The following DCC variants were observed in gnomAD, a reference collection of about 807,000 sequenced individuals.
The protein encoded by DCC is DCC netrin 1 receptor.
In DCC, 58 loss-of-function variants were observed where a neutral mutation model predicts 172.5. That is an observed-to-expected ratio of 0.34 (90% CI 0.27 to 0.42). The LOEUF is 0.42. DCC is among the 10% of genes least tolerant of loss of function. The pLI is 1.00. For synonymous variants in DCC, 709 were observed against 644.5 expected, an observed-to-expected ratio of 1.10 and a Z score of -1.52; for missense variants, 1,740 against 1,791.0, an observed-to-expected ratio of 0.97 and a Z score of 0.51.
intron 7 of DCC, among the ~76,000 whole-genome samples, chr18:53,104,795 T>C (rs558798532): frequency 2.6e-5 from 4 of 151,986 alleles, no homozygotes; most frequent in Non-Finnish European, 4.4e-5. Context: ...TTCAGTGATC[T>C]TGTTAAGTCA....
intron 12 of DCC, among the ~76,000 whole-genome samples, chr18:53,239,561 G>T (rs2056257834): frequency 6.6e-6 from 1 of 152,222 alleles, no homozygotes; most frequent in African/African-American, 2.4e-5. Flanking sequence ...CCCAGAGAAA[G>T]GTGCACAGGG....
At chr18:52,552,339 G>A (rs559469552) in intron 1 of DCC, among the ~76,000 whole-genome samples, 1 of 152,054 alleles carries the variant, frequency 6.6e-6, no homozygotes, top group African/African-American at 2.4e-5. Context: ...TGTGATTTCC[G>A]GTACCATTCA....
intron 25 of DCC, among the ~76,000 whole-genome samples, chr18:53,483,958 CATAGATAGATAG>C (rs56285631): frequency 0.11 from 16,552 of 144,556 alleles, 979 homozygotes; most frequent in African/African-American, 0.13. Context: ...CCTATGTTTG[CATAGATAGATAG>C]ATAGATAGAT....
chr18:52,916,386 G>A (rs1277504756), intron 3 of DCC, among the ~76,000 whole-genome samples: 1 of 152,124 alleles, frequency 6.6e-6, no homozygotes, highest in African/African-American at 2.4e-5. Context: ...TTTTAAGTTA[G>A]AAATTTGCAA....
Position 53,001,246 on chromosome 18 carries a change from T to A in DCC, c.986-62059T>A, listed in dbSNP as rs142770964. On this transcript the variant is annotated intron_variant, in intron 5 of 28. Transcript: ENST00000442544. Reference sequence around the variant, plus strand: ...GACTCAAAAGATGGCCATTGAATAATGTTCAATAGCGCCTTCTCTTATAGG... The same window carrying A: ...GACTCAAAAGATGGCCATTGAATAAAGTTCAATAGCGCCTTCTCTTATAGG... 5.5e-3 allele frequency among the ~76,000 whole-genome samples: 841 copies of A among 152,204 alleles called. 8 individuals carry two copies. Among genetic ancestry groups the A allele is most frequent in the African/African-American group, 0.019 (803 of 41,536 alleles).
At chr18:53,421,161 T>G (rs964896996) in intron 21 of DCC, among the ~76,000 whole-genome samples, 63 of 152,310 alleles carry the variant, frequency 4.1e-4, no homozygotes, top group African/African-American at 1.5e-3. Flanking sequence ...GTATTTTTGT[T>G]TGCATCGTTA....
intron 1 of DCC, among the ~76,000 whole-genome samples, chr18:52,623,476 TG>T (rs1314836900): frequency 8.5e-5 from 13 of 152,280 alleles, no homozygotes; most frequent in Non-Finnish European, 1.3e-4. Flanking sequence ...TTCTAAAGTG[TG>T]GGGGGAGAGA....
At chr18:52,470,184 G>C (rs2144558876) in intron 1 of DCC, among the ~76,000 whole-genome samples, 1 of 152,316 alleles carries the variant, frequency 6.6e-6, no homozygotes, top group East Asian at 1.9e-4. Context: ...CCAGGGATTT[G>C]ACAGACTTCG....
At chr18:53,344,538 G>A (rs540866064) in intron 15 of DCC, among the ~76,000 whole-genome samples, 2 of 147,890 alleles carry the variant, frequency 1.4e-5, no homozygotes, top group South Asian at 4.3e-4. Flanking sequence ...TGCCTCCCAG[G>A]TTCAAGCAAT....
chr18:52,346,355 A>G (rs1016428185), intron 1 of DCC, among the ~76,000 whole-genome samples: 20 of 152,198 alleles, frequency 1.3e-4, no homozygotes, highest in African/African-American at 3.9e-4. Context: ...TTAATTCCTT[A>G]TCTTATATTT....
intron 2 of DCC, among the ~76,000 whole-genome samples, chr18:52,812,429 C>G (rs2038219476): frequency 6.6e-6 from 1 of 152,156 alleles, no homozygotes; most frequent in South Asian, 2.1e-4. Context: ...ACCAACAATT[C>G]ACTTTATTAA....
chr18:52,367,445 T>C lies in DCC; in HGVS notation c.91+26567T>C, dbSNP rs139296210. Among the ~76,000 whole-genome samples the C allele has an allele frequency of 5.3e-3, 803 of 152,364 alleles. 8 individuals carry two copies. The highest frequency in any genetic ancestry group is 0.013 in the Admixed American group (205 of 15,306). On this transcript the variant is annotated intron_variant, in intron 1 of 28. Transcript: ENST00000442544. Reference sequence around the variant, plus strand: ...AAGAGCAAGCGAGGGCTCTGAGGACTGCCAGCACGCTGTCACCTCTCACTA... The same window carrying C: ...AAGAGCAAGCGAGGGCTCTGAGGACCGCCAGCACGCTGTCACCTCTCACTA...
Position 52,632,721 on chromosome 18 carries a change from GTTC to G in DCC, c.92-119328_92-119326del, listed in dbSNP as rs1457894603. 5.9e-5 allele frequency among the ~76,000 whole-genome samples: 9 copies of G among 152,214 alleles called. No individual in the cohort carries two copies. In the East Asian group the frequency reaches 9.7e-4, roughly 16 times the overall value. On this transcript the variant is annotated intron_variant, in intron 1 of 28. Transcript: ENST00000442544. ...TTCCTGTGGTTTCACGCTCCTATTT[GTTC>G]TTCTGCTAATGATCCTTATAACTGT... is the stretch of plus-strand genomic sequence containing the variant.
At chr18:53,087,064 G>A (rs1238591492) in intron 7 of DCC, among the ~76,000 whole-genome samples, 15 of 151,808 alleles carry the variant, frequency 9.9e-5, no homozygotes, top group South Asian at 2.1e-4. Flanking sequence ...ATAAACATAC[G>A]TGTGCATGTG....
chr18:53,152,465 CA>C (rs2054656307), intron 7 of DCC, among the ~76,000 whole-genome samples: 1 of 152,002 alleles, frequency 6.6e-6, no homozygotes, highest in Non-Finnish European at 1.5e-5. Context: ...GGGACCTAAA[CA>C]AAATATTATT....
Position 53,313,402 on chromosome 18 carries a change from C to T in DCC, c.2053+7683C>T, listed in dbSNP as rs547451637. Among the ~76,000 whole-genome samples the T allele has an allele frequency of 6.9e-3, 1,046 of 152,058 alleles. 2 individuals are homozygous for T. Among genetic ancestry groups the T allele is most frequent in the Non-Finnish European group, 0.012 (785 of 68,004 alleles). On this transcript the variant is annotated intron_variant, in intron 13 of 28. Transcript: ENST00000442544. The stretch of plus-strand genomic sequence containing the variant: ...CTGGGATTACAGACGTGCGTCACCA[C>T]GTCAGGCTAATTTTTGTATTTTTAG...
chr18:52,651,724 G>C (rs2035135139), intron 1 of DCC, among the ~76,000 whole-genome samples: 1 of 152,012 alleles, frequency 6.6e-6, no homozygotes, highest in Non-Finnish European at 1.5e-5. Context: ...TTCCACAAGT[G>C]CTTATGGGAA....
chr18:52,983,584 C>A (rs767191819), intron 5 of DCC, among the ~76,000 whole-genome samples: 14 of 152,140 alleles, frequency 9.2e-5, no homozygotes, highest in Non-Finnish European at 2.1e-4. Context: ...TTGAAATGCA[C>A]CCGTCACCTT....
At chr18:52,958,052 T>C (rs2040775616) in intron 5 of DCC, among the ~76,000 whole-genome samples, 1 of 152,080 alleles carries the variant, frequency 6.6e-6, no homozygotes, top group African/African-American at 2.4e-5. Context: ...GTATGGAAAA[T>C]GAAGTGCAGC....
Sources: gnomAD v4.1 joint callset for allele counts (sites outside exome capture counted in the v4.1 genomes callset) on GRCh38, gnomAD v4.1.1 for gene constraint, MANE v1.5 for transcripts, NCBI Gene and HGNC (gene_info 2026-07-23, HGNC 2026-07-21) for gene names.